CCDC73: variants seen among roughly 807,000 people sequenced by gnomAD.
CCDC73 encodes the protein coiled-coil domain containing 73.
A neutral mutation model predicts 116.5 loss-of-function variants in CCDC73; 95 were observed. That is an observed-to-expected ratio of 0.82 (90% CI 0.69 to 0.97). The LOEUF (loss-of-function observed/expected upper bound fraction) is 0.97. CCDC73 is among the 50% of genes least tolerant of loss of function. CCDC73 has a pLI of 0.00. For missense variants in CCDC73, 1,066 were observed against 1,206.8 expected (o/e 0.88, Z 1.73); for synonymous variants, 398 against 401.3 (o/e 0.99, Z 0.10).
chr11:32,675,660 C>A lies in CCDC73; in HGVS notation c.566-16G>T. ...GCTTCCCGTACTGCAACATGAAAGA[C>A]ATTTAAGAAAGCATTATATTCAATG... On this transcript the variant is annotated splice_polypyrimidine_tract_variant and intron_variant, in intron 8 of 17. Transcript: ENST00000335185. 6.4e-7 allele frequency: 1 copy of A among 1,557,472 alleles called. No individual in the cohort carries two copies. The highest frequency in any genetic ancestry group is 1.2e-5 in the South Asian group (1 of 83,800).
intron 1 of CCDC73, among the ~76,000 whole-genome samples, chr11:32,773,416 A>T (rs1850507305): frequency 6.6e-6 from 1 of 152,156 alleles, no homozygotes; most frequent in South Asian, 2.1e-4. Flanking sequence ...ACTTTGAATG[A>T]GTCAACCATA....
chr11:32,694,801 G>C (rs981487379), intron 6 of CCDC73, among the ~76,000 whole-genome samples: 1 of 152,028 alleles, frequency 6.6e-6, no homozygotes, highest in Admixed American at 6.6e-5. Flanking sequence ...AAAGATATAA[G>C]TATGTCCAGT....
chr11:32,708,835 T>C (rs1271218449), intron 3 of CCDC73, among the ~76,000 whole-genome samples: 1 of 152,178 alleles, frequency 6.6e-6, no homozygotes, highest in Non-Finnish European at 1.5e-5. Context: ...GTTTTCTAGA[T>C]ATATGATCAT....
At chr11:32,823,999 A>G in the CCDC73 span, among the ~76,000 whole-genome samples, 824 of 152,258 alleles carry the variant, frequency 5.4e-3, 4 homozygotes, top group Admixed American at 9.0e-3. Context: ...GGTTGACATG[A>G]TTCTCCTGCC....
intron 6 of CCDC73, among the ~76,000 whole-genome samples, chr11:32,696,765 C>T (rs906466172): frequency 6.6e-6 from 1 of 152,012 alleles, no homozygotes; most frequent in Non-Finnish European, 1.5e-5. Flanking sequence ...TCAGAACCAT[C>T]CCAAATTTTA....
intron 17 of CCDC73, chr11:32,604,246 C>CCTGAGTACCT (rs1320039338): frequency 6.6e-6 from 1 of 152,274 alleles, no homozygotes. Flanking sequence ...ACCTTCACCT[C>CCTGAGTACCT]CTGAGTACCT....
At chr11:32,804,078 G>A in the CCDC73 span, among the ~76,000 whole-genome samples, 1 of 151,928 alleles carries the variant, frequency 6.6e-6, no homozygotes, top group Non-Finnish European at 1.5e-5. Flanking sequence ...CCAAAATACT[G>A]GGATTACAGG....
intron 14 of CCDC73, among the ~76,000 whole-genome samples, chr11:32,632,264 A>G (rs1855638249): frequency 6.6e-6 from 1 of 152,150 alleles, no homozygotes; most frequent in African/African-American, 2.4e-5. Flanking sequence ...CTCACTCTGT[A>G]GCCCAAGCTG....
chr11:32,621,193 A>G (rs1215678361), intron 14 of CCDC73, among the ~76,000 whole-genome samples: 3 of 152,212 alleles, frequency 2.0e-5, no homozygotes, highest in Non-Finnish European at 4.4e-5. Context: ...ATATGGAACC[A>G]AAAAAGAGCC....
chr11:32,779,355 A>C (rs912732685), intron 1 of CCDC73, among the ~76,000 whole-genome samples: 1 of 152,140 alleles, frequency 6.6e-6, no homozygotes, highest in Admixed American at 6.5e-5. Context: ...TATAGAAAAC[A>C]CAACTTAAGC....
chr11:32,791,664 T>C (rs1850677672), intron 1 of CCDC73, among the ~76,000 whole-genome samples: 1 of 152,100 alleles, frequency 6.6e-6, no homozygotes, highest in African/African-American at 2.4e-5. Flanking sequence ...AAAAAAACAC[T>C]GTTCTCAGCC....
chr11:32,829,107 G>GA, the CCDC73 span, among the ~76,000 whole-genome samples: 1 of 151,164 alleles, frequency 6.6e-6, no homozygotes, highest in Non-Finnish European at 1.5e-5. Flanking sequence ...CTCTGAAAAA[G>GA]AAAAAAGGAA....
chr11:32,675,274 T>C (rs187631440), intron 9 of CCDC73, among the ~76,000 whole-genome samples: 89 of 152,314 alleles, frequency 5.8e-4, no homozygotes, highest in African/African-American at 2.1e-3. Flanking sequence ...TCAATAAATA[T>C]TGAATGAATG....
rs556657392 is a variant in CCDC73 at position 32,681,948 on chromosome 11, C to T, written c.429+1588G>A. ...ATAAAATATTAAATATATATACCAA[C>T]ATATAAAACTTTTTAAATTAAAAGT... On this transcript the variant is annotated intron_variant, in intron 7 of 17. Coordinates refer to ENST00000335185, the MANE Select transcript of CCDC73 (RefSeq NM_001008391.4). 13 of 151,780 alleles carry T rather than the reference C, an allele frequency of 8.6e-5. No individual in the cohort carries two copies. The South Asian group carries it at 2.7e-3, about 31-fold the overall frequency. 9.4% of individuals were successfully genotyped at this position (151,780 alleles called of 1,614,324 possible).
chr11:32,686,945 T>C (rs1268862778), intron 6 of CCDC73, among the ~76,000 whole-genome samples: 1 of 152,236 alleles, frequency 6.6e-6, no homozygotes, highest in Non-Finnish European at 1.5e-5. Context: ...GCATTAACTA[T>C]AGAAGGCAGC....
intron 13 of CCDC73, among the ~76,000 whole-genome samples, chr11:32,636,872 A>G (rs1441761783): frequency 6.6e-6 from 1 of 151,906 alleles, no homozygotes; most frequent in African/African-American, 2.4e-5. Context: ...TCCTAATTCT[A>G]GGAATTTTCT....
Position 32,762,894 on chromosome 11 carries a change from C to T in CCDC73, c.-15-2636G>A, listed in dbSNP as rs139277724. On this transcript the variant is annotated intron_variant, in intron 1 of 17. Coordinates refer to ENST00000335185, the MANE Select transcript of CCDC73 (RefSeq NM_001008391.4). ...CAGCACCTGGAAAATCGAGTCACTCCCACCCTAATACTGCACTTTTCCAAG... is the reference window on the plus strand; with the variant it reads ...CAGCACCTGGAAAATCGAGTCACTCTCACCCTAATACTGCACTTTTCCAAG... Among the ~76,000 whole-genome samples the T allele has an allele frequency of 9.7e-3, 1,481 of 152,226 alleles. 12 individuals are homozygous for T. Among genetic ancestry groups the T allele is most frequent in the Non-Finnish European group, 0.016 (1,069 of 68,008 alleles).
At chr11:32,693,018 T>C (rs1856274762) in intron 6 of CCDC73, among the ~76,000 whole-genome samples, 1 of 152,206 alleles carries the variant, frequency 6.6e-6, no homozygotes, top group Non-Finnish European at 1.5e-5. Flanking sequence ...TATGTTTAAA[T>C]AGAAATGGAA....
At position 32,748,818 on chromosome 11, in the gene CCDC73, C is replaced by T. The variant is rs572724979; in HGVS notation, c.135+11291G>A. 3.3e-5 allele frequency among the ~76,000 whole-genome samples: 5 copies of T among 152,296 alleles called. No homozygotes were observed. In the East Asian group the frequency reaches 9.6e-4, roughly 29 times the overall value. On this transcript the variant is annotated intron_variant, in intron 2 of 17. Coordinates refer to ENST00000335185, the MANE Select transcript of CCDC73 (RefSeq NM_001008391.4). ...CCTTCATGTTTGAAGGATATTTTCA[C>T]TGTACATACTATTCTAGGGTAAAAC...
Sources: allele counts gnomAD v4.1 joint callset (sites outside exome capture counted in the v4.1 genomes callset), GRCh38; gene constraint gnomAD v4.1.1; transcripts MANE v1.5; gene names NCBI Gene and HGNC (gene_info 2026-07-23, HGNC 2026-07-21).